EPB41L3: variants seen among roughly 807,000 people sequenced by gnomAD.
EPB41L3 encodes the protein band 4.1-like protein 3.
A neutral mutation model predicts 127.1 loss-of-function variants in EPB41L3; 57 were observed. The ratio of observed to expected loss-of-function variants is 0.45; its 90% confidence interval spans 0.36 to 0.56. The LOEUF (loss-of-function observed/expected upper bound fraction) is 0.56, where lower values mean the gene tolerates loss of function less well. EPB41L3 is among the 20% of genes least tolerant of loss of function. EPB41L3 has a pLI of 0.00. For missense variants in EPB41L3, 1,273 were observed against 1,372.2 expected, an observed-to-expected ratio of 0.93 and a Z score of 1.14; for synonymous variants, 572 against 549.5, an observed-to-expected ratio of 1.04 and a Z score of -0.57.
intron 1 of EPB41L3, among the ~76,000 whole-genome samples, chr18:5,533,452 C>T (rs1376542016): frequency 6.6e-6 from 1 of 152,158 alleles, no homozygotes; most frequent in Non-Finnish European, 1.5e-5. Context: ...GTAGTCTGAC[C>T]ATTTACCATT....
Position 5,415,886 on chromosome 18 carries a change from G to C in EPB41L3, c.1999C>G (p.Leu667Val), listed in dbSNP as rs1252353441. 1 of 1,613,858 alleles carries C rather than the reference G, an allele frequency of 6.2e-7. No individual in the cohort carries two copies. Among genetic ancestry groups the C allele is most frequent in the Non-Finnish European group, 8.5e-7 (1 of 1,179,984 alleles). The change falls in exon 13 of 23, where the codon CTG (leucine) becomes GTG (valine). Residue 667 changes from leucine (L) to valine (V), a missense_variant. Coordinates refer to ENST00000341928, the MANE Select transcript of EPB41L3 (RefSeq NM_012307.5). ...SFPLALCLCYLEPKAASLSAS... is the reference protein window; with the variant it reads ...SFPLALCLCYVEPKAASLSAS... ...CTCAAGGAGGCCGCCTTGGGCTCCA[G>C]GTAGCAGAGGCACAGAGCCAGAGGG...
At chr18:5,456,043 A>C (rs2083005816) in intron 3 of EPB41L3, among the ~76,000 whole-genome samples, 1 of 152,154 alleles carries the variant, frequency 6.6e-6, no homozygotes, top group Non-Finnish European at 1.5e-5. Context: ...TTCTCAAAAA[A>C]ACCCCTAAAC....
intron 1 of EPB41L3, among the ~76,000 whole-genome samples, chr18:5,516,542 G>A (rs1183710797): frequency 3.3e-5 from 5 of 152,292 alleles, no homozygotes; most frequent in East Asian, 1.9e-4. Context: ...TATCACGTCC[G>A]CTGAAGGCAA....
chr18:5,506,121 A>G (rs534556743), intron 1 of EPB41L3, among the ~76,000 whole-genome samples: 121 of 151,980 alleles, frequency 8.0e-4, no homozygotes, highest in Admixed American at 2.7e-3. Flanking sequence ...CTCACCATCC[A>G]GTAACTGCTT....
At chr18:5,548,853 G>A (rs893912898), upstream of EPB41L3, among the ~76,000 whole-genome samples, 3 of 152,178 alleles carry the variant, frequency 2.0e-5, no homozygotes, top group African/African-American at 7.2e-5. Context: ...TTGTTAATCT[G>A]TAATATTAAA....
chr18:5,397,430 C>T lies in EPB41L3; in HGVS notation c.2473-4G>A, dbSNP rs761601471. The T allele has an allele frequency of 6.2e-7, 1 of 1,601,452 alleles. No individual in the cohort carries two copies. The highest frequency in any genetic ancestry group is 8.5e-7 in the Non-Finnish European group (1 of 1,172,950). On this transcript the variant is annotated splice_region_variant and splice_polypyrimidine_tract_variant and intron_variant, in intron 17 of 22. Coordinates refer to ENST00000341928, the MANE Select transcript of EPB41L3 (RefSeq NM_012307.5). This position sits in a 1 kb window ranked among gnomAD's most constrained non-coding sequence, Gnocchi z 4.1. ...ACTCCGTCTTGGTTTCCATTTTCTG[C>T]ATGGGAAGAGATTGTGGCATCAGTG...
intron 3 of EPB41L3, among the ~76,000 whole-genome samples, chr18:5,608,147 T>C (rs1008306567): frequency 3.3e-5 from 5 of 152,092 alleles, no homozygotes; most frequent in Non-Finnish European, 4.4e-5. Flanking sequence ...AAGTCCATAA[T>C]TGAGTGCCTG....
chr18:5,517,032 A>C (rs921908076), intron 1 of EPB41L3, among the ~76,000 whole-genome samples: 1 of 152,132 alleles, frequency 6.6e-6, no homozygotes, highest in Non-Finnish European at 1.5e-5. Flanking sequence ...TAAACCCAGC[A>C]GGGATTAGCT....
chr18:5,406,664 A>T, intron 16 of EPB41L3, 113 bp downstream of exon 16: 1 of 940,040 alleles, frequency 1.1e-6, no homozygotes, highest in Non-Finnish European at 1.6e-6. Flanking sequence ...GGTTAAACAT[A>T]GGTAGGAAGA....
rs1182346396 is a variant in EPB41L3, at chr18:5,395,712, A to G, written c.2974-5T>C. On this transcript the variant is annotated splice_polypyrimidine_tract_variant and splice_region_variant and intron_variant, in intron 19 of 22. Coordinates refer to ENST00000341928, the MANE Select transcript of EPB41L3 (RefSeq NM_012307.5). ...CAGATCTGTGCCTGGATCGACCTAA[A>G]GCAGCAGAGGCATAGACCCCTCATC... The G allele has an allele frequency of 1.9e-6, 3 of 1,613,584 alleles. No individual in the cohort carries two copies. The East Asian group carries it at 6.7e-5, about 36-fold the overall frequency.
intron 2 of EPB41L3, among the ~76,000 whole-genome samples, chr18:5,483,623 G>GAA (rs747884358): frequency 1.3e-5 from 2 of 148,352 alleles, no homozygotes; most frequent in Non-Finnish European, 1.5e-5. Flanking sequence ...TAAAAAGGTG[G>GAA]AAAAAAAAAC....
At chr18:5,446,008 A>G (rs2081425136) in intron 3 of EPB41L3, among the ~76,000 whole-genome samples, 1 of 152,154 alleles carries the variant, frequency 6.6e-6, no homozygotes, top group Non-Finnish European at 1.5e-5. Context: ...CCGCAGCTCT[A>G]TGAGATAAAC....
intron 1 of EPB41L3, among the ~76,000 whole-genome samples, chr18:5,519,393 C>T (rs754175206): frequency 7.2e-5 from 11 of 152,154 alleles, no homozygotes; most frequent in East Asian, 1.9e-4. Flanking sequence ...CCAGTCTATC[C>T]GGATTGCTTC....
At chr18:5,602,453 C>CA (rs750655500) in intron 3 of EPB41L3, among the ~76,000 whole-genome samples, 5 of 152,154 alleles carry the variant, frequency 3.3e-5, no homozygotes, top group Non-Finnish European at 5.9e-5. Flanking sequence ...TGCTCTCTCT[C>CA]ACTCATTGAT....
intron 3 of EPB41L3, among the ~76,000 whole-genome samples, chr18:5,605,277 T>C (rs966239298): frequency 3.9e-5 from 6 of 152,200 alleles, no homozygotes; most frequent in African/African-American, 1.4e-4. Flanking sequence ...CCCATGTTCA[T>C]CTCACAGCCG....
chr18:5,400,042 T>A (rs1229824832), intron 16 of EPB41L3: 3 of 155,396 alleles, frequency 1.9e-5, no homozygotes, highest in Non-Finnish European at 4.3e-5. Flanking sequence ...GGGGTCTCCC[T>A]ATGTTGCCCA....
In EPB41L3 at chr18:5,393,102, T is replaced by A; in HGVS notation, c.*383A>T. On this transcript the variant is annotated 3_prime_UTR_variant, in exon 23 of 23. Transcript: ENST00000341928. ...AAGGTTACCTAAGAAATTGCAATTT[T>A]GTTTAGACTTTAATAATAATAAACT... is the stretch of plus-strand genomic sequence containing the variant. The A allele has an allele frequency of 5.2e-6, 1 of 191,222 alleles. No individual in the cohort carries two copies. The highest frequency in any genetic ancestry group is 1.1e-5 in the Non-Finnish European group (1 of 94,028). 11.8% of individuals were successfully genotyped at this position (191,222 alleles called of 1,614,324 possible).
chr18:5,497,317 A>G (rs1723360652), intron 1 of EPB41L3, among the ~76,000 whole-genome samples: 1 of 152,154 alleles, frequency 6.6e-6, no homozygotes, highest in South Asian at 2.1e-4. Flanking sequence ...CTGGCTTCTG[A>G]GTGCAGGTGC....
intron 1 of EPB41L3, among the ~76,000 whole-genome samples, chr18:5,532,172 TA>T (rs66478317): frequency 0.011 from 1,607 of 152,272 alleles, 27 homozygotes; most frequent in African/African-American, 0.036. Flanking sequence ...CCCTAAATGA[TA>T]GTATCTACAG....
Sources: allele counts gnomAD v4.1 joint callset (sites outside exome capture counted in the v4.1 genomes callset), GRCh38; gene constraint gnomAD v4.1.1; non-coding constraint Gnocchi (gnomAD v3.1); transcripts MANE v1.5; gene names NCBI Gene and HGNC (gene_info 2026-07-23, HGNC 2026-07-21).